The following FSTL5 variants were observed in gnomAD, a reference collection of about 807,000 sequenced individuals.
FSTL5 encodes follistatin-related protein 5.
In FSTL5, 62 loss-of-function variants were observed where a neutral mutation model predicts 89.1. That is an observed-to-expected ratio of 0.70 (90% CI 0.57 to 0.86). The LOEUF (loss-of-function observed/expected upper bound fraction) is 0.86, where lower values mean the gene tolerates loss of function less well. Among genes scored for constraint, FSTL5 ranks in the 40% least tolerant of loss-of-function variants. FSTL5 has a pLI of 0.00. For synonymous variants in FSTL5, 383 were observed against 346.2 expected (o/e 1.11, Z -1.18); for missense variants, 1,057 against 1,001.6 (o/e 1.06, Z -0.75).
intron 1 of FSTL5, among the ~76,000 whole-genome samples, chr4:162,147,177 G>A (rs1733035780): frequency 6.6e-6 from 1 of 151,826 alleles, no homozygotes; most frequent in South Asian, 2.1e-4. Flanking sequence ...GATTTCACTT[G>A]TTTTCTTATT....
At chr4:161,947,625 T>G (rs1734771759) in intron 3 of FSTL5, among the ~76,000 whole-genome samples, 1 of 152,150 alleles carries the variant, frequency 6.6e-6, no homozygotes, top group Admixed American at 6.6e-5. Flanking sequence ...TGTTATAAGT[T>G]TTGGAGTCAG....
At chr4:161,865,575 C>A (rs1317967899) in intron 4 of FSTL5, among the ~76,000 whole-genome samples, 1 of 152,066 alleles carries the variant, frequency 6.6e-6, no homozygotes, top group African/African-American at 2.4e-5. Flanking sequence ...CATGATAAGA[C>A]ATAGAAGCAG....
intron 13 of FSTL5, among the ~76,000 whole-genome samples, chr4:161,479,089 A>T (rs145139131): frequency 0.016 from 2,437 of 152,174 alleles, 41 homozygotes; most frequent in Non-Finnish European, 0.021. Flanking sequence ...GGTCATAAGG[A>T]GAATGCATTT....
rs183637270 is a variant in FSTL5, at chr4:161,582,989, T to C, written c.1015+4466A>G. Among the ~76,000 whole-genome samples, 21 of 152,070 alleles carry C rather than the reference T, an allele frequency of 1.4e-4. 1 individual carries two copies. In the East Asian group the frequency reaches 2.3e-3, roughly 17 times the overall value. On this transcript the variant is annotated intron_variant, in intron 8 of 15. Coordinates refer to ENST00000306100, the MANE Select transcript of FSTL5 (RefSeq NM_020116.5). ...AATCACGAGGTCAGCAGTTCAAGACTAGCCTGGCTAAGATGGTGAAACCTG... is the reference window on the plus strand; with the variant it reads ...AATCACGAGGTCAGCAGTTCAAGACCAGCCTGGCTAAGATGGTGAAACCTG...
chr4:161,929,683 G>GTGTATA (rs778126751), intron 3 of FSTL5, among the ~76,000 whole-genome samples: 35 of 98,252 alleles, frequency 3.6e-4, no homozygotes, highest in African/African-American at 6.0e-4. Context: ...GTGTGTGTGT[G>GTGTATA]TGTGTGTGTG....
At chr4:161,740,478 A>C (rs560500183) in intron 6 of FSTL5, among the ~76,000 whole-genome samples, 2 of 152,260 alleles carry the variant, frequency 1.3e-5, no homozygotes, top group South Asian at 2.1e-4. Flanking sequence ...TAAAAGAAAA[A>C]AAAAAGCAAG....
intron 6 of FSTL5, among the ~76,000 whole-genome samples, chr4:161,737,971 G>C (rs938489410): frequency 6.6e-6 from 1 of 151,992 alleles, no homozygotes; most frequent in Non-Finnish European, 1.5e-5. Flanking sequence ...TAGGGCTTTT[G>C]AAGAAAGAAT....
intron 6 of FSTL5, among the ~76,000 whole-genome samples, chr4:161,726,912 A>AATAT (rs1310686523): frequency 2.0e-5 from 1 of 49,740 alleles, no homozygotes; most frequent in African/African-American, 3.3e-5. Flanking sequence ...AAAAAAAAAA[A>AATAT]ATATATATAT....
chr4:162,116,847 T>C (rs750463944), intron 1 of FSTL5, among the ~76,000 whole-genome samples: 8 of 152,164 alleles, frequency 5.3e-5, no homozygotes, highest in Non-Finnish European at 7.3e-5. Flanking sequence ...CTAGAAAAAT[T>C]CTATGGGTCT....
intron 6 of FSTL5, among the ~76,000 whole-genome samples, chr4:161,692,010 T>G (rs1472562244): frequency 6.6e-6 from 1 of 152,054 alleles, no homozygotes; most frequent in African/African-American, 2.4e-5. Flanking sequence ...CCTACAAAAA[T>G]ACATATATAT....
intron 3 of FSTL5, among the ~76,000 whole-genome samples, chr4:162,018,856 T>G (rs1020896224): frequency 6.6e-6 from 1 of 152,102 alleles, no homozygotes; most frequent in East Asian, 1.9e-4. Flanking sequence ...TCACTCACTA[T>G]CTCCATCAAT....
intron 6 of FSTL5, among the ~76,000 whole-genome samples, chr4:161,657,911 T>C (rs995080070): frequency 1.3e-5 from 2 of 152,180 alleles, no homozygotes; most frequent in African/African-American, 4.8e-5. Flanking sequence ...ATCTAATCTC[T>C]AAACCTAAAG....
chr4:162,120,453 C>T (rs976133776), intron 1 of FSTL5, among the ~76,000 whole-genome samples: 28 of 151,918 alleles, frequency 1.8e-4, no homozygotes, highest in African/African-American at 6.8e-4. Flanking sequence ...TGTTTAAGAA[C>T]AACATAATAC....
intron 4 of FSTL5, among the ~76,000 whole-genome samples, chr4:161,833,170 T>C (rs962551431): frequency 6.6e-4 from 100 of 151,996 alleles, no homozygotes; most frequent in Non-Finnish European, 1.3e-3. Context: ...GGTTGTTCAG[T>C]ATCCATGTAG....
Position 162,036,222 on chromosome 4 carries a change from G to A in FSTL5, c.127-2564C>T, listed in dbSNP as rs78220424. Among the ~76,000 whole-genome samples, 851 of 152,108 alleles carry A rather than the reference G, an allele frequency of 5.6e-3. 7 individuals carry two copies. The highest frequency in any genetic ancestry group is 0.018 in the African/African-American group (756 of 41,544). ...CTTATTCAACTGTCTTTTGACATCC[G>A]TACTTGGATTTCTAATAACATGGCC... is the stretch of plus-strand genomic sequence containing the variant. On this transcript the variant is annotated intron_variant, in intron 2 of 15. Coordinates refer to ENST00000306100, the MANE Select transcript of FSTL5 (RefSeq NM_020116.5).
chr4:161,582,342 C>A (rs1481418165), intron 8 of FSTL5, among the ~76,000 whole-genome samples: 2 of 152,122 alleles, frequency 1.3e-5, no homozygotes, highest in Middle Eastern at 3.4e-3. Context: ...ATGAGTTAAA[C>A]CAGTTTTAGA....
Position 161,918,651 on chromosome 4 carries a change from A to AT in FSTL5, c.409+1752dup, listed in dbSNP as rs770758949. On this transcript the variant is annotated intron_variant, in intron 4 of 15. Coordinates refer to ENST00000306100, the MANE Select transcript of FSTL5 (RefSeq NM_020116.5). ...CCACGATATTTATTTATATTTATTTATTTATTTTTTTGAGACGGGGTCTCG... is the reference window on the plus strand; with the variant it reads ...CCACGATATTTATTTATATTTATTTATTTTATTTTTTTGAGACGGGGTCTCG... 7.0e-3 allele frequency among the ~76,000 whole-genome samples: 1,050 copies of AT among 150,356 alleles called. 3 individuals are homozygous for AT. The highest frequency in any genetic ancestry group is 0.014 in the African/African-American group (585 of 41,078).
chr4:161,614,413 ATCT>A lies in FSTL5; in HGVS notation c.895-26841_895-26839del, dbSNP rs571690821. ...TAAATAAATAAATTGCAGTCAGTAAATCTTCTAATATACTGCCTGTCACAAAAC... is the reference window on the plus strand; with the variant it reads ...TAAATAAATAAATTGCAGTCAGTAAATCTAATATACTGCCTGTCACAAAAC... On this transcript the variant is annotated intron_variant, in intron 7 of 15. Transcript: ENST00000306100. Among the ~76,000 whole-genome samples the A allele has an allele frequency of 3.0e-4, 45 of 152,308 alleles. No individual in the cohort carries two copies. The East Asian group carries it at 6.0e-3, about 20-fold the overall frequency.
At chr4:162,102,167 A>C (rs1246899626) in intron 2 of FSTL5, among the ~76,000 whole-genome samples, 4 of 152,162 alleles carry the variant, frequency 2.6e-5, no homozygotes, top group African/African-American at 9.6e-5. Context: ...AGACAAAGAG[A>C]TCTAATGGTA....
Sources: gnomAD v4.1 joint callset for allele counts (sites outside exome capture counted in the v4.1 genomes callset) on GRCh38, gnomAD v4.1.1 for gene constraint, MANE v1.5 for transcripts, NCBI Gene and HGNC (gene_info 2026-07-23, HGNC 2026-07-21) for gene names.